DYNC1I2: variants seen among roughly 807,000 people sequenced by gnomAD.
The protein encoded by DYNC1I2 is dynein cytoplasmic 1 intermediate chain 2, also known as cytoplasmic dynein 1 intermediate chain 2.
Under a neutral mutation model 88.6 loss-of-function variants are expected in DYNC1I2, and 53 were observed. That is an observed-to-expected ratio of 0.60 (90% CI 0.48 to 0.75). The LOEUF is 0.75. Ranked by LOEUF, DYNC1I2 falls within the 30% of genes least tolerant of loss-of-function variation. The pLI is 0.00. For synonymous variants in DYNC1I2, 198 were observed against 254.6 expected, an observed-to-expected ratio of 0.78 and a Z score of 2.12; for missense variants, 458 against 766.6, an observed-to-expected ratio of 0.60 and a Z score of 4.75.
intron 3 of DYNC1I2, among the ~76,000 whole-genome samples, chr2:171,694,211 A>G (rs929629051): frequency 2.0e-5 from 3 of 151,268 alleles, no homozygotes; most frequent in African/African-American, 7.3e-5. Context: ...TAATTTTTGT[A>G]CTTTTAGTAG....
intron 14 of DYNC1I2, 111 bp from the exon 15 acceptor site, chr2:171,729,598 A>G: frequency 9.1e-7 from 1 of 1,101,124 alleles, no homozygotes; most frequent in South Asian, 1.5e-5. Flanking sequence ...GCACAGAGTT[A>G]AGTCTGTCAA....
chr2:171,726,743 G>GT lies in DYNC1I2; in HGVS notation c.871-46dup, dbSNP rs748918773. On this transcript the variant is annotated intron_variant, in intron 10 of 17. Coordinates refer to ENST00000397119, the MANE Select transcript of DYNC1I2 (RefSeq NM_001378.3). Reference sequence around the variant, plus strand: ...GACAAATAACTAGGATTATAAAACAGTTCTTATTATGCATAGCATTTCTTT... The same window carrying GT: ...GACAAATAACTAGGATTATAAAACAGTTTCTTATTATGCATAGCATTTCTTT... 3 of 1,601,216 alleles carry GT rather than the reference G, an allele frequency of 1.9e-6. No homozygotes were observed. The Admixed American group carries it at 5.2e-5, about 28-fold the overall frequency.
In DYNC1I2 at chr2:171,706,560, C is replaced by G; in HGVS notation, c.240C>G (p.Tyr80Ter). The change falls in exon 4 of 18, where the codon TAC (tyrosine) becomes TAG (stop). Residue 80 changes from tyrosine (Y) to a stop codon, truncating the protein, a stop_gained. Transcript: ENST00000397119. LOFTEE classifies it high-confidence loss of function. ...TGTACACTTCAGTTTTTTCTGAATACTGGGGTAAGGAAGTTCCCATAAGTC... is the reference window on the plus strand; with the variant it reads ...TGTACACTTCAGTTTTTTCTGAATAGTGGGGTAAGGAAGTTCCCATAAGTC... ...TPESPIVFSEYWVPPPMSPSS... is the reference protein window; with the variant it reads ...TPESPIVFSE 1 of 1,611,950 alleles carries G rather than the reference C, an allele frequency of 6.2e-7. No individual in the cohort carries two copies. The highest frequency in any genetic ancestry group is 8.5e-7 in the Non-Finnish European group (1 of 1,178,606).
intron 3 of DYNC1I2, among the ~76,000 whole-genome samples, chr2:171,699,039 T>G (rs1686006044): frequency 6.6e-6 from 1 of 152,114 alleles, no homozygotes; most frequent in Non-Finnish European, 1.5e-5. Context: ...CTGGGCATGA[T>G]GGCTCACGCC....
intron 12 of DYNC1I2, 73 bp from the exon 13 acceptor site, chr2:171,728,231 CT>C: frequency 1.1e-6 from 1 of 892,872 alleles, no homozygotes; most frequent in Non-Finnish European, 1.6e-6. Context: ...AAACAGAATG[CT>C]TATAATTAGA....
chr2:171,738,147 C>A (rs1309357858), intron 15 of DYNC1I2, among the ~76,000 whole-genome samples: 1 of 151,930 alleles, frequency 6.6e-6, no homozygotes, highest in African/African-American at 2.4e-5. Context: ...GCTTGGCCAA[C>A]GTGGTGAAAC....
chr2:171,730,525 T>C (rs57486109), intron 15 of DYNC1I2, among the ~76,000 whole-genome samples: 64 of 152,310 alleles, frequency 4.2e-4, no homozygotes, highest in African/African-American at 1.5e-3. Context: ...CTGTTGAAAG[T>C]CTCAAGACAA....
At chr2:171,730,102 A>G (rs1461279665) in intron 15 of DYNC1I2, among the ~76,000 whole-genome samples, 1 of 152,202 alleles carries the variant, frequency 6.6e-6, no homozygotes, top group African/African-American at 2.4e-5. Flanking sequence ...CTTTTCGAGC[A>G]TGTAACTGTT....
intron 1 of DYNC1I2, chr2:171,687,905 C>A: frequency 6.6e-6 from 1 of 152,456 alleles, no homozygotes. Flanking sequence ...CAAGGCCTCC[C>A]TGCCTGTGTT....
chr2:171,737,949 CTTTT>C (rs772397422), intron 15 of DYNC1I2, among the ~76,000 whole-genome samples: 10 of 151,856 alleles, frequency 6.6e-5, no homozygotes, highest in Non-Finnish European at 1.5e-4. Context: ...ATTTAGCAAT[CTTTT>C]ATATTATAAA....
In DYNC1I2 at chr2:171,744,677, CAG is replaced by C. The variant is rs1026727208; in HGVS notation, c.1677+491_1677+492del. 2.0e-4 allele frequency among the ~76,000 whole-genome samples: 31 copies of C among 152,234 alleles called. 2 individuals are homozygous for C. The highest frequency in any genetic ancestry group is 7.2e-4 in the African/African-American group (30 of 41,542). On this transcript the variant is annotated intron_variant, in intron 16 of 17. Coordinates refer to ENST00000397119, the MANE Select transcript of DYNC1I2 (RefSeq NM_001378.3). ...AGTTTTTTCTATGAAGGATTGAAAA[CAG>C]AGTGTTACTATAAAATGAATATAGA...
At chr2:171,691,321 C>T (rs1190305362) in intron 2 of DYNC1I2, among the ~76,000 whole-genome samples, 1 of 152,132 alleles carries the variant, frequency 6.6e-6, no homozygotes, top group Non-Finnish European at 1.5e-5. Flanking sequence ...ATACTTTTAT[C>T]CCTATGGAAA....
rs67834157 is a variant in DYNC1I2 at position 171,747,207 on chromosome 2, TTATATA to T, written c.1804-549_1804-544del. ...GGACTGTCTCAAAAAAAAAAAAAAA[TTATATA>T]TATATATATATATATATATGTTATT... is the stretch of plus-strand genomic sequence containing the variant. On this transcript the variant is annotated intron_variant, in intron 17 of 17. Transcript: ENST00000397119. Among the ~76,000 whole-genome samples, 694 of 124,668 alleles carry T rather than the reference TTATATA, an allele frequency of 5.6e-3. 7 individuals carry two copies. The highest frequency in any genetic ancestry group is 0.019 in the African/African-American group (645 of 34,024). 81.8% of individuals were successfully genotyped at this position (124,668 alleles called of 152,430 possible). A position where few individuals can be genotyped will look rare whatever the true frequency, so the allele number is the denominator to read the frequency against.
intron 3 of DYNC1I2, among the ~76,000 whole-genome samples, chr2:171,694,218 G>A (rs1685590364): frequency 1.3e-5 from 2 of 151,804 alleles, no homozygotes; most frequent in African/African-American, 2.4e-5. Flanking sequence ...TGTACTTTTA[G>A]TAGAGACAGG....
intron 1 of DYNC1I2, among the ~76,000 whole-genome samples, chr2:171,688,850 T>G (rs1685170755): frequency 6.6e-6 from 1 of 152,190 alleles, no homozygotes; most frequent in Admixed American, 6.5e-5. Flanking sequence ...AATACAGTTT[T>G]CCAGAGGTTA....
chr2:171,699,074 C>T (rs186142422), intron 3 of DYNC1I2, among the ~76,000 whole-genome samples: 1 of 151,952 alleles, frequency 6.6e-6, no homozygotes, highest in East Asian at 2.0e-4. Context: ...TTTGGGAGGC[C>T]GAGGCAGGCA....
chr2:171,733,491 C>CTTTTTTTTTTTTTTTTATTTTT (rs1574616066), intron 15 of DYNC1I2, among the ~76,000 whole-genome samples: 1 of 46,732 alleles, frequency 2.1e-5, no homozygotes, highest in Non-Finnish European at 4.2e-5. Flanking sequence ...TTTTTTTTTG[C>CTTTTTTTTTTTTTTTTATTTTT]TTTTTAATAA....
Position 171,736,718 on chromosome 2 carries a change from A to G in DYNC1I2, c.1536+6865A>G, listed in dbSNP as rs564009483. Among the ~76,000 whole-genome samples, 4 of 152,306 alleles carry G rather than the reference A, an allele frequency of 2.6e-5. No individual in the cohort carries two copies. The South Asian group carries it at 8.3e-4, about 32-fold the overall frequency. On this transcript the variant is annotated intron_variant, in intron 15 of 17. Transcript: ENST00000397119. ...TTTGTATTTCTATTTTAATAGACAC[A>G]TTTGGTCTCAAAAAGTTAATATATT...
chr2:171,719,600 T>C (rs1687768379), intron 7 of DYNC1I2, among the ~76,000 whole-genome samples: 1 of 152,206 alleles, frequency 6.6e-6, no homozygotes, highest in Non-Finnish European at 1.5e-5. Context: ...AATCCATGCC[T>C]ACAGAAATCC....
Sources: gnomAD v4.1 joint callset for allele counts (sites outside exome capture counted in the v4.1 genomes callset) on GRCh38, gnomAD v4.1.1 for gene constraint, MANE v1.5 for transcripts, NCBI Gene and HGNC (gene_info 2026-07-23, HGNC 2026-07-21) for gene names.